RNF114: variants seen among roughly 807,000 people sequenced by gnomAD.
RNF114 encodes ring finger protein 114.
In RNF114, 6 loss-of-function variants were observed where a neutral mutation model predicts 28.4. The observed-to-expected ratio is 0.21, with a 90% CI of 0.12 to 0.42. RNF114 has a LOEUF of 0.42. RNF114 is among the 10% of genes least tolerant of loss of function. The pLI is 1.00. For synonymous variants in RNF114, 115 were observed against 116.7 expected, an observed-to-expected ratio of 0.99 and a Z score of 0.09; for missense variants, 249 against 311.7, an observed-to-expected ratio of 0.80 and a Z score of 1.51.
In RNF114 at chr20:49,952,559, T is replaced by C. The variant is rs2090359028; in HGVS notation, c.*418T>C. On this transcript the variant is annotated 3_prime_UTR_variant, in exon 6 of 6. Coordinates refer to ENST00000244061, the MANE Select transcript of RNF114 (RefSeq NM_018683.4). ...ACAATGAAGCAAGTGTCTCCTTTCC[T>C]TGTCCCCAAGGTGTGCAGACTTTGG... The C allele has an allele frequency of 6.9e-6, 2 of 290,332 alleles. No homozygotes were observed. The highest frequency in any genetic ancestry group is 2.2e-4 in the South Asian group (2 of 9,146). 18.0% of individuals were successfully genotyped at this position (290,332 alleles called of 1,614,324 possible).
chr20:49,940,837 G>C (rs1208632621), intron 1 of RNF114, among the ~76,000 whole-genome samples: 2 of 151,710 alleles, frequency 1.3e-5, no homozygotes, highest in Admixed American at 1.3e-4. Context: ...TGCCTCCCAG[G>C]TTCAAGCAAT....
At chr20:49,943,156 G>C (rs2090314355) in intron 2 of RNF114, among the ~76,000 whole-genome samples, 1 of 151,982 alleles carries the variant, frequency 6.6e-6, no homozygotes, top group Admixed American at 6.6e-5. Context: ...GCATAGTAGG[G>C]CCATTTCAAT....
rs868610718 is a variant in RNF114 at position 49,936,400 on chromosome 20, G to A, written c.-13G>A. The A allele has an allele frequency of 3.3e-6, 5 of 1,495,184 alleles. No individual in the cohort carries two copies. The African/African-American group carries it at 5.8e-5, about 17-fold the overall frequency. 92.6% of individuals were successfully genotyped at this position (1,495,184 alleles called of 1,614,324 possible). On this transcript the variant is annotated 5_prime_UTR_variant, in exon 1 of 6. Transcript: ENST00000244061. ...TCATCGGCCGCCGTTGCGCGGCGCA[G>A]AGCGGCAGCAAGATGGCGGCGCAAC...
At chr20:49,940,130 T>G (rs2090302012) in intron 1 of RNF114, among the ~76,000 whole-genome samples, 1 of 151,760 alleles carries the variant, frequency 6.6e-6, no homozygotes. Context: ...GAAACCTGGA[T>G]TTGGCCTTGT....
At chr20:49,937,907 T>C (rs1490872771) in intron 1 of RNF114, among the ~76,000 whole-genome samples, 4 of 152,132 alleles carry the variant, frequency 2.6e-5, no homozygotes, top group Admixed American at 2.6e-4. Context: ...GATTTTGGGG[T>C]AGACTCTGCC....
rs563917918 is a variant in RNF114 at position 49,952,119 on chromosome 20, A to G, written c.665A>G (p.Gln222Arg). 1.2e-5 allele frequency: 19 copies of G among 1,613,666 alleles called. No individual in the cohort carries two copies. The Admixed American group carries it at 2.7e-4, about 23-fold the overall frequency. The part of the protein sequence containing the change: ...DEEDMMNQVL[Q>R]RSIIDQ The stretch of plus-strand genomic sequence containing the variant: ...GAGGACATGATGAATCAGGTGTTGC[A>G]GCGCTCCATCATCGACCAGTGAGCA... Residue 222 changes from glutamine (Q) to arginine (R), a missense_variant, in exon 6 of 6, where the codon CAG becomes CGG. By Grantham distance (43) the Gln-to-Arg change is conservative. Coordinates refer to ENST00000244061, the MANE Select transcript of RNF114 (RefSeq NM_018683.4).
intron 4 of RNF114, among the ~76,000 whole-genome samples, chr20:49,946,513 A>G (rs2090332192): frequency 6.6e-6 from 1 of 152,214 alleles, no homozygotes; most frequent in Non-Finnish European, 1.5e-5. Flanking sequence ...TCTTAAGAAC[A>G]AGAATGTTTT....
In RNF114 at chr20:49,945,309, C is replaced by G. The variant is rs547691298; in HGVS notation, c.292-73C>G. The G allele has an allele frequency of 3.7e-5, 32 of 858,348 alleles. No individual in the cohort carries two copies. In the East Asian group the frequency reaches 8.1e-4, roughly 22 times the overall value. 53.2% of individuals were successfully genotyped at this position (858,348 alleles called of 1,614,324 possible). ...GGTGTAGGTCTAGTTTTCTTTGTGCCCTTGTTTGGGACTATATTTTGCCTG... is the reference window on the plus strand; with the variant it reads ...GGTGTAGGTCTAGTTTTCTTTGTGCGCTTGTTTGGGACTATATTTTGCCTG... On this transcript the variant is annotated intron_variant, in intron 2 of 5. Coordinates refer to ENST00000244061, the MANE Select transcript of RNF114 (RefSeq NM_018683.4).
chr20:49,951,752 C>T (rs1477311028), intron 5 of RNF114, among the ~76,000 whole-genome samples: 1 of 152,214 alleles, frequency 6.6e-6, no homozygotes, highest in Non-Finnish European at 1.5e-5. Flanking sequence ...GTGGCGCACG[C>T]CTGTTAGTCC....
intron 5 of RNF114, among the ~76,000 whole-genome samples, chr20:49,949,894 T>C (rs1349857043): frequency 1.3e-5 from 2 of 151,320 alleles, no homozygotes; most frequent in Non-Finnish European, 3.0e-5. Flanking sequence ...CTGCCCACCT[T>C]GGCCTCCCAA....
Position 49,936,564 on chromosome 20 carries a change from G to C in RNF114, c.140+12G>C, listed in dbSNP as rs561444944. The C allele has an allele frequency of 6.3e-7, 1 of 1,583,698 alleles. No homozygotes were observed. The highest frequency in any genetic ancestry group is 8.6e-7 in the Non-Finnish European group (1 of 1,166,534). On this transcript the variant is annotated intron_variant, in intron 1 of 5. Coordinates refer to ENST00000244061, the MANE Select transcript of RNF114 (RefSeq NM_018683.4). ...CCCTGCGGACACGTGTAAGCGGCGA[G>C]CCCGGGCCTGGTCGGGGGGCGCTTA...
chr20:49,937,941 T>C (rs2090294021), intron 1 of RNF114, among the ~76,000 whole-genome samples: 1 of 152,156 alleles, frequency 6.6e-6, no homozygotes, highest in African/African-American at 2.4e-5. Flanking sequence ...GTCCAGTGAA[T>C]TGATTATAAA....
At chr20:49,941,960 T>C in intron 2 of RNF114, 1 of 457,876 alleles carries the variant, frequency 2.2e-6, no homozygotes, top group South Asian at 3.2e-5. Context: ...TATCCCAGTT[T>C]TTTCCTATAA....
chr20:49,945,361 C>T (rs1215062230), intron 2 of RNF114, 21 bp from the exon 3 acceptor site: 27 of 1,529,474 alleles, frequency 1.8e-5, no homozygotes, highest in Non-Finnish European at 2.0e-5. Flanking sequence ...AACTTATGGG[C>T]TCTGATTCTT....
chr20:49,948,197 C>CA (rs1172790700), intron 4 of RNF114, among the ~76,000 whole-genome samples: 1 of 152,124 alleles, frequency 6.6e-6, no homozygotes, highest in African/African-American at 2.4e-5. Flanking sequence ...GCTGCCTGCC[C>CA]ACCTTTTCCA....
intron 4 of RNF114, among the ~76,000 whole-genome samples, chr20:49,948,782 A>G (rs1002278296): frequency 3.3e-5 from 5 of 152,164 alleles, no homozygotes; most frequent in African/African-American, 7.2e-5. Flanking sequence ...ATACTTCCCA[A>G]TCTTCAAAAA....
chr20:49,948,606 T>A (rs1456624137), intron 4 of RNF114, among the ~76,000 whole-genome samples: 1 of 152,008 alleles, frequency 6.6e-6, no homozygotes, highest in Non-Finnish European at 1.5e-5. Context: ...CAAGGCTAAT[T>A]TTTGTATTTT....
chr20:49,949,388 C>CT (rs772101827), intron 5 of RNF114, 33 bp downstream of exon 5: 1 of 1,554,188 alleles, frequency 6.4e-7, no homozygotes. Context: ...GATCCCTCCC[C>CT]TGGGGGAGTG....
Position 49,936,498 on chromosome 20 carries a change from G to T in RNF114, c.86G>T (p.Cys29Phe). 1 of 1,574,736 alleles carries T rather than the reference G, an allele frequency of 6.4e-7. No individual in the cohort carries two copies. The change falls in exon 1 of 6, where the codon TGT (cysteine) becomes TTT (phenylalanine). Residue 29 changes from cysteine (C) to phenylalanine (F), a missense_variant. By Grantham distance (205) the Cys-to-Phe change is radical (BLOSUM62 -2). Around this residue, in one of 2 missense-constraint regions of RNF114, gnomAD observed 123 missense variants for 106.4 expected, o/e 1.16. Transcript: ENST00000244061. ...GCTGACCCCCTAGGACGCTTCACGT[G>T]TCCCGTGTGCTTAGAGGTGTACGAG... ...AEADPLGRFT[C>F]PVCLEVYEKP...
Sources: allele counts gnomAD v4.1 joint callset (sites outside exome capture counted in the v4.1 genomes callset), GRCh38; gene constraint gnomAD v4.1.1; regional missense constraint gnomAD v4.1.1; transcripts MANE v1.5; gene names NCBI Gene and HGNC (gene_info 2026-07-23, HGNC 2026-07-21).